IL24: variants seen among roughly 807,000 people sequenced by gnomAD.
IL24 encodes the protein interleukin 24.
IL24 carries 24 observed loss-of-function variants against 27.6 expected under a neutral mutation model. The ratio of observed to expected loss-of-function variants is 0.87; its 90% CI spans 0.63 to 1.22. IL24 has a LOEUF of 1.22. Among genes scored for constraint, IL24 ranks in the 50% most tolerant of loss-of-function variants. IL24 has a pLI of 0.00. For missense variants in IL24, 240 were observed against 237.0 expected, an observed-to-expected ratio of 1.01 and a Z score of -0.08; for synonymous variants, 99 against 93.1, an observed-to-expected ratio of 1.06 and a Z score of -0.36.
chr1:206,902,102 C>T (rs185504632), intron 6 of IL24, 30 bp downstream of exon 6: 6 of 1,613,588 alleles, frequency 3.7e-6, no homozygotes, highest in Admixed American at 1.7e-5. Context: ...GCTTGCCCAT[C>T]CAGCAGAATA....
intron 6 of IL24, chr1:206,902,563 T>A (rs189924272): frequency 2.1e-6 from 2 of 939,926 alleles, no homozygotes; most frequent in Non-Finnish European, 2.5e-6. Flanking sequence ...ATGATTTCGA[T>A]CACTTTTTTT....
rs1343820863 is a variant in IL24, at chr1:206,904,050, A to G, written c.*991A>G. 6.6e-6 allele frequency: 1 copy of G among 152,328 alleles called. No individual in the cohort carries two copies. Among genetic ancestry groups the G allele is most frequent in the Non-Finnish European group, 1.5e-5 (1 of 68,042 alleles). The allele number at this position is 152,328 out of a possible 1,614,324, so 9.4% of individuals were successfully genotyped here. ...ATAACCTTGTTCCAAAAACCTAGGC[A>G]AAGAGTATATGTAGGAGGTGGGATA... On this transcript the variant is annotated 3_prime_UTR_variant, in exon 7 of 7. Transcript: ENST00000294984.
At chr1:206,901,088 C>G (rs1250603589) in intron 4 of IL24, among the ~76,000 whole-genome samples, 1 of 152,162 alleles carries the variant, frequency 6.6e-6, no homozygotes, top group East Asian at 1.9e-4. Context: ...TTCTTCTGTT[C>G]TCAGTCATTT....
rs543080109 is a variant in IL24, at chr1:206,899,644, A to T, written c.240+129A>T. 4.1e-6 allele frequency: 3 copies of T among 725,670 alleles called. No homozygotes were observed. The South Asian group carries it at 7.4e-5, about 18-fold the overall frequency. The allele number at this position is 725,670 out of a possible 1,614,324, so 45.0% of individuals were successfully genotyped here. A position where few individuals can be genotyped will look rare whatever the true frequency, so the allele number is the denominator to read the frequency against. On this transcript the variant is annotated intron_variant, in intron 3 of 6. Transcript: ENST00000294984. ...TGCTAATCAGTTTCCAGTTTCCCAT[A>T]TAATAACTCTGTGAGGTCAGAAGGC...
chr1:206,903,100 T>G lies in IL24; in HGVS notation c.*41T>G. ...CCTCCCTCCCCCTGGCACTGGTTTG[T>G]TCCCTGTGTCATTTCAAACAGTCTC... On this transcript the variant is annotated 3_prime_UTR_variant, in exon 7 of 7. Transcript: ENST00000294984. 6.6e-7 allele frequency: 1 copy of G among 1,522,776 alleles called. No homozygotes were observed. 94.3% of individuals were successfully genotyped at this position (1,522,776 alleles called of 1,614,324 possible).
rs766812697 is a variant in IL24 at position 206,903,070 on chromosome 1, C to A, written c.*11C>A. 1.2e-6 allele frequency: 2 copies of A among 1,603,048 alleles called. No individual in the cohort carries two copies. Among genetic ancestry groups the A allele is most frequent in the South Asian group, 1.1e-5 (1 of 90,846 alleles). ...TTCTACAAGCTCTGAATGTCTAGACCAGGACCTCCCTCCCCCTGGCACTGG... is the reference window on the plus strand; with the variant it reads ...TTCTACAAGCTCTGAATGTCTAGACAAGGACCTCCCTCCCCCTGGCACTGG... On this transcript the variant is annotated 3_prime_UTR_variant, in exon 7 of 7. Coordinates refer to ENST00000294984, the MANE Select transcript of IL24 (RefSeq NM_006850.3).
rs1364557241 is a variant in IL24, at chr1:206,903,602, T to G, written c.*543T>G. ...CATTGGGGTGGGGGTAAGGTGCATC[T>G]GTTTGAAAAGTAAACGATAAAATGT... On this transcript the variant is annotated 3_prime_UTR_variant, in exon 7 of 7. Coordinates refer to ENST00000294984, the MANE Select transcript of IL24 (RefSeq NM_006850.3). The G allele has an allele frequency of 6.5e-6, 1 of 153,308 alleles. No individual in the cohort carries two copies. Among genetic ancestry groups the G allele is most frequent in the Non-Finnish European group, 1.5e-5 (1 of 68,728 alleles). 9.5% of individuals were successfully genotyped at this position (153,308 alleles called of 1,614,324 possible).
At chr1:206,902,878 C>A in intron 6 of IL24, 98 bp from the exon 7 acceptor site, 1 of 1,597,618 alleles carries the variant, frequency 6.3e-7, no homozygotes, top group African/African-American at 1.3e-5. Context: ...TGACCCATCC[C>A]TTGGATTGGA....
intron 6 of IL24, 118 bp downstream of exon 6, chr1:206,902,190 C>T: frequency 6.9e-7 from 1 of 1,458,592 alleles, no homozygotes; most frequent in African/African-American, 1.4e-5. Context: ...ATCAGCTTTG[C>T]TCCAAAGCCC....
Position 206,902,960 on chromosome 1 carries a change from C to T in IL24, c.538-16C>T. On this transcript the variant is annotated splice_polypyrimidine_tract_variant and intron_variant, in intron 6 of 6. Coordinates refer to ENST00000294984, the MANE Select transcript of IL24 (RefSeq NM_006850.3). ...ATAGCTAACATGGCTGACCTTCAAC[C>T]CTCTTTTCCCTTTAGTTGGACGTAG... 6.2e-7 allele frequency: 1 copy of T among 1,614,116 alleles called. No homozygotes were observed. The highest frequency in any genetic ancestry group is 8.5e-7 in the Non-Finnish European group (1 of 1,179,992).
chr1:206,902,183 A>G, intron 6 of IL24, 111 bp downstream of exon 6: 1 of 1,481,024 alleles, frequency 6.8e-7, no homozygotes, highest in African/African-American at 1.4e-5. Context: ...GGACACCATC[A>G]GCTTTGCTCC....
chr1:206,900,593 C>T (rs1356198208), intron 4 of IL24, among the ~76,000 whole-genome samples: 1 of 152,178 alleles, frequency 6.6e-6, no homozygotes, highest in Non-Finnish European at 1.5e-5. Flanking sequence ...ACATCTTTCT[C>T]CATTTAGCCA....
At chr1:206,898,261 C>T (rs1246790287) in intron 2 of IL24, among the ~76,000 whole-genome samples, 1 of 151,832 alleles carries the variant, frequency 6.6e-6, no homozygotes, top group African/African-American at 2.4e-5. Context: ...TCCCCCGTGA[C>T]CCATAACCCA....
chr1:206,900,776 C>T (rs541341317), intron 4 of IL24, among the ~76,000 whole-genome samples: 109 of 152,096 alleles, frequency 7.2e-4, no homozygotes, highest in African/African-American at 2.6e-3. Context: ...TCCAGGGAAG[C>T]AGCACATATT....
In IL24 at chr1:206,901,491, C is replaced by T. The variant is rs767624285; in HGVS notation, c.304-3C>T. On this transcript the variant is annotated splice_region_variant and splice_polypyrimidine_tract_variant and intron_variant, in intron 4 of 6. Coordinates refer to ENST00000294984, the MANE Select transcript of IL24 (RefSeq NM_006850.3). The stretch of plus-strand genomic sequence containing the variant: ...GCTCAGCAGTGACCCAGACCTTCCC[C>T]AGGATGCTGAGAGCTGTTACCTTGT... 3.1e-6 allele frequency: 5 copies of T among 1,609,356 alleles called. No individual in the cohort carries two copies. The South Asian group carries it at 5.5e-5, about 18-fold the overall frequency.
At chr1:206,902,433 T>C (rs1006254353) in intron 6 of IL24, 11 of 859,884 alleles carry the variant, frequency 1.3e-5, no homozygotes, top group Non-Finnish European at 1.5e-5. Context: ...CTGCAGTATT[T>C]TCCATGATGC....
At chr1:206,899,222 C>T (rs1292118188) in intron 2 of IL24, 98 bp from the exon 3 acceptor site, 13 of 1,278,226 alleles carry the variant, frequency 1.0e-5, no homozygotes, top group African/African-American at 1.5e-5. Flanking sequence ...GGAGAGTGCT[C>T]GAGATTGGCC....
At chr1:206,898,778 C>G (rs1045536435) in intron 2 of IL24, among the ~76,000 whole-genome samples, 1 of 152,230 alleles carries the variant, frequency 6.6e-6, no homozygotes, top group South Asian at 2.1e-4. Context: ...GCCCTCTGTG[C>G]CCCTCCCTGG....
At chr1:206,902,940 T>C (rs775702964) in intron 6 of IL24, 36 bp from the exon 7 acceptor site, 15 of 1,614,054 alleles carry the variant, frequency 9.3e-6, no homozygotes, top group Non-Finnish European at 1.2e-5. Context: ...TTCTCATAGC[T>C]AACATGGCTG....
Sources: allele counts gnomAD v4.1 joint callset (sites outside exome capture counted in the v4.1 genomes callset), GRCh38; gene constraint gnomAD v4.1.1; transcripts MANE v1.5; gene names NCBI Gene and HGNC (gene_info 2026-07-23, HGNC 2026-07-21).